DCHS2: variants seen among roughly 807,000 people sequenced by gnomAD.
The protein encoded by DCHS2 is protocadherin-23.
In DCHS2, 142 loss-of-function variants were observed where a neutral mutation model predicts 182.4. That is an observed-to-expected ratio of 0.78 (90% CI 0.68 to 0.89). DCHS2 has a LOEUF of 0.89. Ranked by LOEUF, DCHS2 falls within the 40% of genes least tolerant of loss-of-function variation. The pLI, the probability that DCHS2 is intolerant of heterozygous loss-of-function variation, is 0.00. For missense variants in DCHS2, 4,319 were observed against 4,198.6 expected, an observed-to-expected ratio of 1.03 and a Z score of -0.79; for synonymous variants, 1,740 against 1,663.3, an observed-to-expected ratio of 1.05 and a Z score of -1.12.
intron 3 of DCHS2, among the ~76,000 whole-genome samples, chr4:154,360,580 T>C (rs1730074405): frequency 6.6e-6 from 1 of 152,162 alleles, no homozygotes; most frequent in African/African-American, 2.4e-5. Context: ...ATTTATTAAC[T>C]GTATACCAGA....
At chr4:154,273,936 T>C (rs994048827) in intron 13 of DCHS2, among the ~76,000 whole-genome samples, 3 of 152,130 alleles carry the variant, frequency 2.0e-5, no homozygotes, top group Non-Finnish European at 4.4e-5. Flanking sequence ...AGAGGCCATG[T>C]ATAAGACAGT....
intron 13 of DCHS2, among the ~76,000 whole-genome samples, chr4:154,295,448 T>C (rs901056075): frequency 6.6e-6 from 1 of 152,226 alleles, no homozygotes; most frequent in South Asian, 2.1e-4. Flanking sequence ...GTGGAAACAT[T>C]CATACATTCC....
chr4:154,372,695 C>T (rs1034268301), intron 2 of DCHS2, among the ~76,000 whole-genome samples: 1 of 152,134 alleles, frequency 6.6e-6, no homozygotes, highest in Non-Finnish European at 1.5e-5. Context: ...TTGTGAAAAA[C>T]CACTTGATTG....
chr4:154,252,540 C>CATT (rs1456919188), intron 16 of DCHS2, among the ~76,000 whole-genome samples: 1 of 151,802 alleles, frequency 6.6e-6, no homozygotes, highest in Non-Finnish European at 1.5e-5. Context: ...TGCTTGAGTT[C>CATT]ATTTGTTGTA....
At chr4:154,363,952 G>A (rs1257317099) in intron 3 of DCHS2, among the ~76,000 whole-genome samples, 1 of 152,104 alleles carries the variant, frequency 6.6e-6, no homozygotes, top group African/African-American at 2.4e-5. Flanking sequence ...CTCTTCTAAA[G>A]GTTAAAGTAA....
At chr4:154,271,003 G>T (rs975981777) in intron 13 of DCHS2, among the ~76,000 whole-genome samples, 1 of 152,136 alleles carries the variant, frequency 6.6e-6, no homozygotes, top group Non-Finnish European at 1.5e-5. Context: ...ATTCAGTTAG[G>T]TATAGGAATT....
rs762074111 is a variant in DCHS2 at position 154,328,199 on chromosome 4, T to C, written c.3919-7A>G. On this transcript the variant is annotated splice_region_variant and splice_polypyrimidine_tract_variant and intron_variant, in intron 6 of 19. Transcript: ENST00000357232. ...CTGGTTGACCTTCCAGAACCTGCCA[T>C]TAAAACAAACAGCTTACAAATGAGT... 6.2e-7 allele frequency: 1 copy of C among 1,601,472 alleles called. No homozygotes were observed. Among genetic ancestry groups the C allele is most frequent in the African/African-American group, 1.3e-5 (1 of 74,646 alleles).
intron 1 of DCHS2, among the ~76,000 whole-genome samples, chr4:154,405,044 T>G: frequency 6.6e-6 from 1 of 152,042 alleles, no homozygotes; most frequent in East Asian, 1.9e-4. Flanking sequence ...GTCAGGAGTT[T>G]GAGACCAGCT....
intron 1 of DCHS2, among the ~76,000 whole-genome samples, chr4:154,467,449 A>T (rs918849405): frequency 6.6e-6 from 1 of 152,180 alleles, no homozygotes; most frequent in African/African-American, 2.4e-5. Flanking sequence ...CTCTAAATAC[A>T]TACTCTATAG....
At chr4:154,354,530 C>A (rs548073537) in intron 3 of DCHS2, among the ~76,000 whole-genome samples, 33 of 152,306 alleles carry the variant, frequency 2.2e-4, no homozygotes, top group Non-Finnish European at 3.7e-4. Flanking sequence ...ATTGCTGTCT[C>A]TTTAGTACGA....
rs1731283326 is a variant in DCHS2, at chr4:154,233,420, G to T, written c.*1116C>A. ...ATCTAATGACAGTTAAATTAAAGCT[G>T]CAAGTGTGTGAGCAAATGGTAAAAA... On this transcript the variant is annotated 3_prime_UTR_variant, in exon 20 of 20. Transcript: ENST00000357232. 1 of 152,160 alleles carries T rather than the reference G, an allele frequency of 6.6e-6. No homozygotes were observed. The highest frequency in any genetic ancestry group is 2.4e-5 in the African/African-American group (1 of 41,444). 9.4% of individuals were successfully genotyped at this position (152,160 alleles called of 1,614,324 possible).
intron 15 of DCHS2, among the ~76,000 whole-genome samples, chr4:154,257,755 A>C (rs535074040): frequency 3.7e-4 from 56 of 152,344 alleles, no homozygotes; most frequent in African/African-American, 1.3e-3. Context: ...AACAGGACAC[A>C]GCAGAATGGT....
chr4:154,270,434 T>G (rs1733533932), intron 13 of DCHS2, among the ~76,000 whole-genome samples: 1 of 151,456 alleles, frequency 6.6e-6, no homozygotes, highest in Admixed American at 6.6e-5. Context: ...AAGAGGATTT[T>G]GGGAAAAAGA....
Position 154,287,017 on chromosome 4 carries a change from G to A in DCHS2, c.6463+10834C>T, listed in dbSNP as rs75092131. Among the ~76,000 whole-genome samples the A allele has an allele frequency of 0.016, 2,493 of 152,256 alleles. 167 individuals carry two copies. In the East Asian group the frequency reaches 0.23, roughly 14 times the overall value. ...AATACATCTGGAAGTAGACTTTTCA[G>A]TGGAAACCTTACAGGAAAAGAGAGG... On this transcript the variant is annotated intron_variant, in intron 13 of 19. Transcript: ENST00000357232.
chr4:154,236,005 C>A lies in DCHS2; in HGVS notation c.8647G>T (p.Asp2883Tyr), dbSNP rs1179942260. 1.9e-6 allele frequency: 3 copies of A among 1,613,826 alleles called. No homozygotes were observed. The highest frequency in any genetic ancestry group is 2.7e-5 in the African/African-American group (2 of 74,894). Residue 2883 changes from aspartate to tyrosine, a missense_variant, in exon 20 of 20, where the codon GAT becomes TAT. Transcript: ENST00000357232. Reference protein sequence around the residue: ...IDEFEPIFTQDQYFFTLPEKN... With the variant: ...IDEFEPIFTQYQYFFTLPEKN... ...TCTGGGAGGGTGAAAAAATACTGATCTTGAGTGAAAATGGGCTCAAATTCA... is the reference window on the plus strand; with the variant it reads ...TCTGGGAGGGTGAAAAAATACTGATATTGAGTGAAAATGGGCTCAAATTCA...
At chr4:154,468,054 C>T (rs1157031345) in intron 1 of DCHS2, among the ~76,000 whole-genome samples, 1 of 151,984 alleles carries the variant, frequency 6.6e-6, no homozygotes, top group Admixed American at 6.6e-5. Context: ...AAAAGCAAAA[C>T]CTCATCAGCT....
intron 14 of DCHS2, among the ~76,000 whole-genome samples, chr4:154,261,339 AT>A (rs1342023777): frequency 6.6e-6 from 1 of 152,222 alleles, no homozygotes; most frequent in African/African-American, 2.4e-5. Flanking sequence ...TAACATGTAG[AT>A]TCCACGATGT....
chr4:154,399,561 G>A (rs1292408812), intron 1 of DCHS2, among the ~76,000 whole-genome samples: 1 of 152,184 alleles, frequency 6.6e-6, no homozygotes, highest in South Asian at 2.1e-4. Context: ...GAAGGAAAAT[G>A]AGAACTGCGA....
intron 1 of DCHS2, among the ~76,000 whole-genome samples, chr4:154,474,362 C>T (rs1390275862): frequency 1.3e-5 from 2 of 152,206 alleles, no homozygotes; most frequent in African/African-American, 4.8e-5. Context: ...CTCGTTCCTC[C>T]ATCAGGCAGT....
Sources: allele counts gnomAD v4.1 joint callset (sites outside exome capture counted in the v4.1 genomes callset), GRCh38; gene constraint gnomAD v4.1.1; transcripts MANE v1.5; gene names NCBI Gene and HGNC (gene_info 2026-07-23, HGNC 2026-07-21).